The following HERPUD2 variants were observed in gnomAD, a reference collection of about 807,000 sequenced individuals.
The protein encoded by HERPUD2 is homocysteine-responsive endoplasmic reticulum-resident ubiquitin-like domain member 2 protein.
Under a neutral mutation model 49.9 loss-of-function variants are expected in HERPUD2, and 13 were observed. That is an observed-to-expected ratio of 0.26 (90% confidence interval 0.17 to 0.41). The LOEUF (loss-of-function observed/expected upper bound fraction) is 0.41, where lower values mean the gene tolerates loss of function less well. Among genes scored for constraint, HERPUD2 ranks in the 10% least tolerant of loss-of-function variants. The probability of loss-of-function intolerance (pLI) is 1.00; values close to 1 mark genes in which losing one functional copy is unlikely to be tolerated. For missense variants in HERPUD2, 449 were observed against 492.2 expected (o/e 0.91, Z 0.83); for synonymous variants, 172 against 171.4 (o/e 1.00, Z -0.03).
chr7:35,641,522 C>T (rs1251514827), intron 5 of HERPUD2, among the ~76,000 whole-genome samples: 1 of 152,130 alleles, frequency 6.6e-6, no homozygotes, highest in African/African-American at 2.4e-5. Flanking sequence ...CCAAGGCAAT[C>T]CCAGGCAAAA....
At chr7:35,647,233 TGCG>T (rs1785071427) in intron 5 of HERPUD2, among the ~76,000 whole-genome samples, 1 of 152,126 alleles carries the variant, frequency 6.6e-6, no homozygotes, top group Non-Finnish European at 1.5e-5. Context: ...TTCAAGACTC[TGCG>T]ATTGCTTTAT....
chr7:35,682,209 T>TTG (rs528354861), intron 2 of HERPUD2, among the ~76,000 whole-genome samples: 31 of 138,782 alleles, frequency 2.2e-4, no homozygotes, highest in Non-Finnish European at 3.1e-4. Flanking sequence ...TGGCTAATTT[T>TTG]TGTGTGTGTG....
chr7:35,650,139 C>CA (rs1455011363), intron 5 of HERPUD2, among the ~76,000 whole-genome samples: 7 of 151,888 alleles, frequency 4.6e-5, no homozygotes, highest in Admixed American at 4.6e-4. Context: ...ACCTCCTCCA[C>CA]AAAAAAAGAA....
intron 5 of HERPUD2, among the ~76,000 whole-genome samples, chr7:35,665,698 G>A (rs1240173731): frequency 6.6e-6 from 1 of 152,220 alleles, no homozygotes; most frequent in African/African-American, 2.4e-5. Context: ...GCTGGGAGCT[G>A]CAGACTGGAG....
intron 2 of HERPUD2, among the ~76,000 whole-genome samples, chr7:35,674,510 T>C (rs1785718986): frequency 6.7e-6 from 1 of 148,492 alleles, no homozygotes; most frequent in Non-Finnish European, 1.5e-5. Context: ...TTGGTTTTCA[T>C]GCTGTTTCCT....
chr7:35,643,569 AG>A (rs1785001895), intron 5 of HERPUD2, among the ~76,000 whole-genome samples: 1 of 152,140 alleles, frequency 6.6e-6, no homozygotes, highest in Non-Finnish European at 1.5e-5. Flanking sequence ...CATTTGTATA[AG>A]AATGAGGATA....
At chr7:35,634,945 T>C (rs994410279) in intron 7 of HERPUD2, among the ~76,000 whole-genome samples, 190 bp downstream of exon 7, 1 of 152,214 alleles carries the variant, frequency 6.6e-6, no homozygotes, top group African/African-American at 2.4e-5. Flanking sequence ...AATCTGCTTC[T>C]AAATAATTCT....
At chr7:35,666,407 C>A (rs1785537213) in intron 5 of HERPUD2, among the ~76,000 whole-genome samples, 1 of 152,114 alleles carries the variant, frequency 6.6e-6, no homozygotes, top group Non-Finnish European at 1.5e-5. Flanking sequence ...GTAAAAAGTA[C>A]CTGAGTGTTT....
At chr7:35,668,899 T>C (rs1342340101) in intron 4 of HERPUD2, among the ~76,000 whole-genome samples, 1 of 152,160 alleles carries the variant, frequency 6.6e-6, no homozygotes. Flanking sequence ...AGGTAATTAT[T>C]TTATGATTAG....
At chr7:35,663,209 G>A (rs1462108925) in intron 5 of HERPUD2, among the ~76,000 whole-genome samples, 2 of 152,166 alleles carry the variant, frequency 1.3e-5, no homozygotes, top group Non-Finnish European at 2.9e-5. Context: ...CTGAGCTTTA[G>A]TTTGATTGCA....
At chr7:35,679,386 CCTT>C (rs1785830983) in intron 2 of HERPUD2, among the ~76,000 whole-genome samples, 1 of 152,126 alleles carries the variant, frequency 6.6e-6, no homozygotes, top group Admixed American at 6.5e-5. Context: ...ATCTCCAAGT[CCTT>C]CTTTTTTAAA....
At chr7:35,686,466 C>A (rs1450422815) in intron 2 of HERPUD2, among the ~76,000 whole-genome samples, 6 of 154 alleles carry the variant, frequency 0.039, no homozygotes. Context: ...GGATTACAGG[C>A]GTCAGCGCAG....
intron 5 of HERPUD2, among the ~76,000 whole-genome samples, chr7:35,651,911 T>G (rs565225112): frequency 2.0e-5 from 3 of 152,290 alleles, no homozygotes; most frequent in African/African-American, 7.2e-5. Flanking sequence ...AATCACCTGG[T>G]GACCACTGAA....
chr7:35,642,081 T>A (rs1313918034), intron 5 of HERPUD2, among the ~76,000 whole-genome samples: 1 of 152,180 alleles, frequency 6.6e-6, no homozygotes, highest in African/African-American at 2.4e-5. Context: ...AAAGGTCTAA[T>A]ATCTAGCATC....
intron 2 of HERPUD2, among the ~76,000 whole-genome samples, chr7:35,676,127 A>C (rs534477658): frequency 6.6e-6 from 1 of 152,210 alleles, no homozygotes. Flanking sequence ...CAGAATCCAA[A>C]TAAGGTTCAC....
intron 2 of HERPUD2, among the ~76,000 whole-genome samples, chr7:35,686,130 T>C (rs1041086409): frequency 3.9e-5 from 6 of 152,164 alleles, no homozygotes; most frequent in Middle Eastern, 6.8e-3. Context: ...CAATTTGACT[T>C]GTAAAAAGTA....
intron 5 of HERPUD2, among the ~76,000 whole-genome samples, chr7:35,666,779 G>A (rs1785546179): frequency 6.6e-6 from 1 of 152,098 alleles, no homozygotes; most frequent in African/African-American, 2.4e-5. Context: ...CTAAATATAG[G>A]GTGACTATGG....
chr7:35,648,540 C>G (rs1285862445), intron 5 of HERPUD2, among the ~76,000 whole-genome samples: 1 of 152,188 alleles, frequency 6.6e-6, no homozygotes, highest in African/African-American at 2.4e-5. Flanking sequence ...CAGCACAGCA[C>G]CTGATGTAAT....
At position 35,677,602 on chromosome 7, in the gene HERPUD2, TAAAGG is replaced by T. The variant is rs1018258058; in HGVS notation, c.148-4329_148-4325del. 4.6e-5 allele frequency among the ~76,000 whole-genome samples: 7 copies of T among 152,338 alleles called. No homozygotes were observed. The South Asian group carries it at 1.2e-3, about 27-fold the overall frequency. ...TACAACTTATAAACAGTTTTGCACT[TAAAGG>T]AAGAAATAGGACAATAGCTAGAACG... On this transcript the variant is annotated intron_variant, in intron 2 of 8. Coordinates refer to ENST00000311350, the MANE Select transcript of HERPUD2 (RefSeq NM_022373.5).
Sources: allele counts gnomAD v4.1 joint callset (sites outside exome capture counted in the v4.1 genomes callset), GRCh38; gene constraint gnomAD v4.1.1; transcripts MANE v1.5; gene names NCBI Gene and HGNC (gene_info 2026-07-23, HGNC 2026-07-21).